The following C1orf87 variants were observed in gnomAD, a reference collection of about 807,000 sequenced individuals.
C1orf87 encodes chromosome 1 open reading frame 87.
Under a neutral mutation model 60.5 loss-of-function variants are expected in C1orf87, and 58 were observed. The ratio of observed to expected loss-of-function variants is 0.96; its 90% confidence interval spans 0.78 to 1.19. The LOEUF (loss-of-function observed/expected upper bound fraction) is 1.19, where lower values mean the gene tolerates loss of function less well. C1orf87 is among the 50% of genes most tolerant of loss of function. The pLI is 0.00. For synonymous variants in C1orf87, 236 were observed against 227.4 expected, an observed-to-expected ratio of 1.04 and a Z score of -0.34; for missense variants, 673 against 638.6, an observed-to-expected ratio of 1.05 and a Z score of -0.58.
rs182875252 is a variant in C1orf87, at chr1:60,017,824, T to C, written c.1128-7368A>G. ...CCTGGCAGTCATTCACTAATGTCTCTGCTAATTGGTAGGCAAATGGCAAAA... is the reference window on the plus strand; with the variant it reads ...CCTGGCAGTCATTCACTAATGTCTCCGCTAATTGGTAGGCAAATGGCAAAA... On this transcript the variant is annotated intron_variant, in intron 8 of 11. Transcript: ENST00000371201. Among the ~76,000 whole-genome samples, 17 of 152,328 alleles carry C rather than the reference T, an allele frequency of 1.1e-4. No homozygotes were observed. The South Asian group carries it at 2.9e-3, about 26-fold the overall frequency.
intron 2 of C1orf87, among the ~76,000 whole-genome samples, chr1:60,061,786 A>AAAAG: frequency 6.7e-6 from 1 of 148,834 alleles, no homozygotes; most frequent in Non-Finnish European, 1.5e-5. Context: ...CAAAAAAAAA[A>AAAAG]AAAAAAAAAA....
rs1644913485 is a variant in C1orf87 at position 59,990,577 on chromosome 1, A to G, written c.*96T>C. 2 of 1,439,690 alleles carry G rather than the reference A, an allele frequency of 1.4e-6. No individual in the cohort carries two copies. The highest frequency in any genetic ancestry group is 1.9e-6 in the Non-Finnish European group (2 of 1,057,264). The allele number at this position is 1,439,690 out of a possible 1,614,324, so 89.2% of individuals were successfully genotyped here. On this transcript the variant is annotated 3_prime_UTR_variant, in exon 12 of 12. Coordinates refer to ENST00000371201, the MANE Select transcript of C1orf87 (RefSeq NM_152377.3). Reference sequence around the variant, plus strand: ...TAGCTGCATCGGCCTCCACTCTGACAATGCCTCCGCCACTACACTTAGGCT... The same window carrying G: ...TAGCTGCATCGGCCTCCACTCTGACGATGCCTCCGCCACTACACTTAGGCT...
chr1:60,060,967 C>A (rs771142993), intron 2 of C1orf87, among the ~76,000 whole-genome samples: 3 of 152,132 alleles, frequency 2.0e-5, no homozygotes, highest in Non-Finnish European at 4.4e-5. Context: ...CAAGTCTAAG[C>A]AAAATGACTG....
chr1:60,028,056 G>C (rs774108452), intron 7 of C1orf87, among the ~76,000 whole-genome samples: 11 of 152,144 alleles, frequency 7.2e-5, no homozygotes, highest in South Asian at 2.1e-4. Flanking sequence ...TGTATATATG[G>C]GTGAAAGAGG....
At chr1:60,066,597 A>C (rs766816303) in intron 2 of C1orf87, among the ~76,000 whole-genome samples, 1 of 152,112 alleles carries the variant, frequency 6.6e-6, no homozygotes, top group Non-Finnish European at 1.5e-5. Context: ...GAACCCTCAA[A>C]GTCATCCATG....
intron 3 of C1orf87, among the ~76,000 whole-genome samples, chr1:60,047,505 G>A (rs1244210417): frequency 6.6e-6 from 1 of 152,082 alleles, no homozygotes; most frequent in Non-Finnish European, 1.5e-5. Context: ...CTCAAAGGTG[G>A]AATCAGCTCT....
At chr1:60,034,340 T>C (rs1037754140) in intron 6 of C1orf87, among the ~76,000 whole-genome samples, 2 of 152,214 alleles carry the variant, frequency 1.3e-5, no homozygotes, top group African/African-American at 4.8e-5. Context: ...GTTTGATATG[T>C]TTACTTATCT....
At chr1:60,071,888 C>T (rs867250649) in intron 2 of C1orf87, among the ~76,000 whole-genome samples, 10 of 152,150 alleles carry the variant, frequency 6.6e-5, no homozygotes, top group South Asian at 4.1e-4. Context: ...ACTTATGGAA[C>T]GCCTACTATA....
chr1:60,036,774 T>C (rs1475491706), intron 6 of C1orf87, among the ~76,000 whole-genome samples: 2 of 152,228 alleles, frequency 1.3e-5, no homozygotes, highest in Non-Finnish European at 2.9e-5. Context: ...TTGCGTTTCA[T>C]TTCTGATTAT....
chr1:60,000,312 A>G (rs1185977934), intron 10 of C1orf87, among the ~76,000 whole-genome samples: 6 of 152,260 alleles, frequency 3.9e-5, no homozygotes, highest in Non-Finnish European at 8.8e-5. Context: ...CAAGAAGCAA[A>G]ATAAAAGAGC....
At chr1:60,027,038 T>C (rs1438937331) in intron 7 of C1orf87, among the ~76,000 whole-genome samples, 1 of 152,256 alleles carries the variant, frequency 6.6e-6, no homozygotes, top group Non-Finnish European at 1.5e-5. Context: ...AAAACACTTC[T>C]GGTCCCAAAT....
At chr1:60,010,015 C>CTTTTTT (rs34236824) in intron 9 of C1orf87, among the ~76,000 whole-genome samples, 1 of 143,018 alleles carries the variant, frequency 7.0e-6, no homozygotes, top group Non-Finnish European at 1.5e-5. Context: ...TCTCACAGGT[C>CTTTTTT]TTTTTTTTTT....
intron 9 of C1orf87, among the ~76,000 whole-genome samples, chr1:60,006,524 C>T (rs1330949735): frequency 6.6e-6 from 1 of 151,968 alleles, no homozygotes; most frequent in African/African-American, 2.4e-5. Context: ...GTCAATGAGC[C>T]TCTTACGCTA....
At position 60,060,157 on chromosome 1, in the gene C1orf87, G is replaced by A. The variant is rs576147283; in HGVS notation, c.108-4719C>T. 4.7e-5 allele frequency among the ~76,000 whole-genome samples: 7 copies of A among 149,266 alleles called. 1 individual carries two copies. In the South Asian group the frequency reaches 1.5e-3, roughly 31 times the overall value. ...ATCATAGAAATTTAGTCTTCGAAAA[G>A]ATCAAAAAAATATGTTCATTCAACT... On this transcript the variant is annotated intron_variant, in intron 2 of 11. Transcript: ENST00000371201.
At position 59,997,819 on chromosome 1, in the gene C1orf87, A is replaced by G; in HGVS notation, c.1273-3T>C. 1 of 1,612,518 alleles carries G rather than the reference A, an allele frequency of 6.2e-7. No homozygotes were observed. Among genetic ancestry groups the G allele is most frequent in the Non-Finnish European group, 8.5e-7 (1 of 1,179,468 alleles). The stretch of plus-strand genomic sequence containing the variant: ...TGCAGCTCCTCTTCTGGAGTTTTCT[A>G]CCAAAACAACAAAAGCATTGGCAAC... On this transcript the variant is annotated splice_region_variant and splice_polypyrimidine_tract_variant and intron_variant, in intron 10 of 11. Coordinates refer to ENST00000371201, the MANE Select transcript of C1orf87 (RefSeq NM_152377.3).
rs544281185 is a variant in C1orf87 at position 60,039,833 on chromosome 1, G to T, written c.747+84C>A. On this transcript the variant is annotated intron_variant, in intron 5 of 11. Coordinates refer to ENST00000371201, the MANE Select transcript of C1orf87 (RefSeq NM_152377.3). ...GATAAAAGTTATTTGCAAGAAAGTA[G>T]CTAACTTCTTAGTCTTTTACCCTTG... is the stretch of plus-strand genomic sequence containing the variant. 6 of 1,420,040 alleles carry T rather than the reference G, an allele frequency of 4.2e-6. No individual in the cohort carries two copies. In the South Asian group the frequency reaches 6.9e-5, roughly 16 times the overall value. The allele number at this position is 1,420,040 out of a possible 1,614,324, so 88.0% of individuals were successfully genotyped here. A position where few individuals can be genotyped will look rare whatever the true frequency, so the allele number is the denominator to read the frequency against.
chr1:60,001,215 A>G, intron 9 of C1orf87, 59 bp from the exon 10 acceptor site: 2 of 1,185,724 alleles, frequency 1.7e-6, no homozygotes, highest in Middle Eastern at 2.0e-4. Context: ...CATTTAACAC[A>G]CACATATACA....
chr1:60,038,157 G>C (rs1645291825), intron 5 of C1orf87, 50 bp from the exon 6 acceptor site: 1 of 1,176,648 alleles, frequency 8.5e-7, no homozygotes, highest in East Asian at 2.4e-5. Flanking sequence ...TATATGTAAG[G>C]AAAGAGGCCT....
chr1:60,028,457 A>T (rs1460315113), intron 7 of C1orf87, among the ~76,000 whole-genome samples: 1 of 152,202 alleles, frequency 6.6e-6, no homozygotes, highest in East Asian at 1.9e-4. Context: ...TATTATTAAG[A>T]TCCATTAAAA....
Sources: allele counts gnomAD v4.1 joint callset (sites outside exome capture counted in the v4.1 genomes callset), GRCh38; gene constraint gnomAD v4.1.1; transcripts MANE v1.5; gene names NCBI Gene and HGNC (gene_info 2026-07-23, HGNC 2026-07-21).